Variants in PLCXD1 observed in about 807,000 individuals in gnomAD.
PLCXD1 encodes phosphatidylinositol specific phospholipase C X domain containing 1.
A neutral mutation model predicts 37.8 loss-of-function variants in PLCXD1; 45 were observed. That is an observed-to-expected ratio of 1.19 (90% CI 0.94 to 1.53). The LOEUF is 1.53. PLCXD1 is among the 40% of genes most tolerant of loss of function. The pLI is 0.00. For missense variants in PLCXD1, 539 were observed against 454.7 expected (o/e 1.19, Z -1.69); for synonymous variants, 246 against 206.9 (o/e 1.19, Z -1.62).
chrX:288,314 T>A (rs2069520427), intron 2 of PLCXD1, among the ~76,000 whole-genome samples: 1 of 145,356 alleles, frequency 6.9e-6, no homozygotes, highest in African/African-American at 2.5e-5. Flanking sequence ...TTCTAGAGGC[T>A]CTAGAGTGGG....
At position 293,073 on chromosome X, in the gene PLCXD1, A is replaced by G. The variant is rs2069687954; in HGVS notation, c.588A>G (p.Gln196=). 6.2e-7 allele frequency: 1 copy of G among 1,611,316 alleles called. No individual in the cohort carries two copies. The highest frequency in any genetic ancestry group is 1.3e-5 in the African/African-American group (1 of 74,842). ...PTLRQLWSRG[Q]QVIVSYEDES... ...TGCGGCAGCTGTGGTCCCGGGGCCA[A>G]CAGGTCATCGTCTCCTATGAAGACG... The change falls in exon 6 of 7, where the codon CAA becomes CAG. Residue 196 remains glutamine (Q), a synonymous_variant. Transcript: ENST00000381657.
At position 300,503 on chromosome X, in the gene PLCXD1, T is replaced by G. The variant is rs1280394204; in HGVS notation, c.*1168T>G. 1 of 133,642 alleles carries G rather than the reference T, an allele frequency of 7.5e-6. No individual in the cohort carries two copies. The highest frequency in any genetic ancestry group is 1.6e-5 in the Non-Finnish European group (1 of 63,648). 8.3% of individuals were successfully genotyped at this position (133,642 alleles called of 1,614,324 possible). A position where few individuals can be genotyped will look rare whatever the true frequency, so the allele number is the denominator to read the frequency against. On this transcript the variant is annotated 3_prime_UTR_variant, in exon 7 of 7. Transcript: ENST00000381657. Reference sequence around the variant, plus strand: ...GTATATGTGTGTATGTGTGTATATATGTATATGTGTGCATATGTGTATACG... The same window carrying G: ...GTATATGTGTGTATGTGTGTATATAGGTATATGTGTGCATATGTGTATACG...
Position 299,298 on chromosome X carries a change from A to T in PLCXD1, c.935A>T (p.Asp312Val). 6.2e-7 allele frequency: 1 copy of T among 1,613,764 alleles called. No homozygotes were observed. The change falls in exon 7 of 7, where the codon GAC becomes GTC. Residue 312 changes from aspartate (D) to valine (V), a missense_variant. Physicochemically the swap from Asp to Val is radical, Grantham distance 152. Coordinates refer to ENST00000381657, the MANE Select transcript of PLCXD1 (RefSeq NM_018390.4). ...DFIGADGFVS[D>V]VIALNQKLLW... Reference sequence around the variant, plus strand: ...ATCGGCGCAGACGGCTTCGTCAGTGACGTCATCGCGCTCAATCAGAAGCTG... The same window carrying T: ...ATCGGCGCAGACGGCTTCGTCAGTGTCGTCATCGCGCTCAATCAGAAGCTG...
At chrX:294,251 G>C (rs1323595152) in intron 6 of PLCXD1, among the ~76,000 whole-genome samples, 1 of 152,230 alleles carries the variant, frequency 6.6e-6, no homozygotes, top group African/African-American at 2.4e-5. Context: ...GGGAGGCCGA[G>C]GCGGGCGGAT....
rs1168831754 is a variant in PLCXD1 at position 300,692 on chromosome X, G to GTA, written c.*1369_*1370dup. 295 of 151,150 alleles carry GTA rather than the reference G, an allele frequency of 2.0e-3. No homozygotes were observed. Among genetic ancestry groups the GTA allele is most frequent in the African/African-American group, 4.9e-3 (202 of 41,232 alleles). 9.4% of individuals were successfully genotyped at this position (151,150 alleles called of 1,614,324 possible). A position where few individuals can be genotyped will look rare whatever the true frequency, so the allele number is the denominator to read the frequency against. ...TACATATATACGTGCGTGTGTATGTGTATATATATATATGTGTATATATAT... is the reference window on the plus strand; with the variant it reads ...TACATATATACGTGCGTGTGTATGTGTATATATATATATATGTGTATATATAT... On this transcript the variant is annotated 3_prime_UTR_variant, in exon 7 of 7. Coordinates refer to ENST00000381657, the MANE Select transcript of PLCXD1 (RefSeq NM_018390.4).
Position 288,866 on chromosome X carries a change from C to T in PLCXD1, c.261C>T (p.Thr87=). Residue 87 remains threonine, a synonymous_variant, in exon 3 of 7, where the codon ACC becomes ACT. Transcript: ENST00000381657. ...CTGTCGTGCTGAAATGGTCCGTCACCCAGGTACGGTCTGTGCCCCGTGCTG... is the reference window on the plus strand; with the variant it reads ...CTGTCGTGCTGAAATGGTCCGTCACTCAGGTACGGTCTGTGCCCCGTGCTG... ...TRPVVLKWSV[T]QALDVTEQLD... is the part of the protein sequence containing the mutation. The T allele has an allele frequency of 1.2e-6, 2 of 1,612,346 alleles. No individual in the cohort carries two copies. Among genetic ancestry groups the T allele is most frequent in the Non-Finnish European group, 1.7e-6 (2 of 1,179,666 alleles).
At chrX:276,569 G>T (rs966872317), upstream of PLCXD1, among the ~76,000 whole-genome samples, 6 of 152,150 alleles carry the variant, frequency 3.9e-5, no homozygotes, top group African/African-American at 1.2e-4. Flanking sequence ...CAGGGGGAGG[G>T]TCGCCTGGGA....
chrX:284,607 CGCACACAT>C (rs1324395963), intron 2 of PLCXD1, among the ~76,000 whole-genome samples: 4 of 16,960 alleles, frequency 2.4e-4, no homozygotes, highest in Non-Finnish European at 8.2e-4. Context: ...CACGCACACA[CGCACACAT>C]GCACATCTGC....
Position 299,207 on chromosome X carries a change from G to C in PLCXD1, c.844G>C (p.Ala282Pro), listed in dbSNP as rs367791199. ...GCTGCCCAACCTTCCGCGGCTGAGC[G>C]CGTGGGTCCGAGAGCAGTGCCCGGG... ...MTLPNLPRLS[A>P]WVREQCPGPG... is the part of the protein sequence containing the mutation. Residue 282 changes from alanine (A) to proline (P), a missense_variant, in exon 7 of 7, where the codon GCG becomes CCG. By Grantham distance (27) the Ala-to-Pro change is conservative (BLOSUM62 -1). Transcript: ENST00000381657. The C allele has an allele frequency of 1.7e-5, 28 of 1,613,780 alleles. No homozygotes were observed. Among genetic ancestry groups the C allele is most frequent in the Non-Finnish European group, 2.2e-5 (26 of 1,179,854 alleles).
intron 5 of PLCXD1, among the ~76,000 whole-genome samples, chrX:292,243 C>T (rs1228562370): frequency 6.6e-6 from 1 of 152,008 alleles, no homozygotes; most frequent in Non-Finnish European, 1.5e-5. Context: ...ATCATGAGGT[C>T]AGGACATCGA....
chrX:294,734 G>C (rs2069750291), intron 6 of PLCXD1, among the ~76,000 whole-genome samples: 1 of 151,940 alleles, frequency 6.6e-6, no homozygotes, highest in African/African-American at 2.4e-5. Context: ...AACCAGGAAG[G>C]CGGAGGTTGC....
intron 6 of PLCXD1, among the ~76,000 whole-genome samples, chrX:296,650 C>T (rs975739299): frequency 2.0e-5 from 3 of 152,226 alleles, no homozygotes; most frequent in Non-Finnish European, 1.5e-5. Flanking sequence ...TTGAGAATCA[C>T]TGGTCAACGT....
Position 285,374 on chromosome X carries a change from G to GTA in PLCXD1, c.127+1070_127+1071dup, listed in dbSNP as rs772068793. On this transcript the variant is annotated intron_variant, in intron 2 of 6. Transcript: ENST00000381657. ...TACACATGTACACACATGCACACATGTATATATATATTTGCACCTATGCAC... is the reference window on the plus strand; with the variant it reads ...TACACATGTACACACATGCACACATGTATATATATATATTTGCACCTATGCAC... 8.4e-5 allele frequency among the ~76,000 whole-genome samples: 10 copies of GTA among 119,042 alleles called. No individual in the cohort carries two copies. In the South Asian group the frequency reaches 9.9e-4, roughly 12 times the overall value. 78.1% of individuals were successfully genotyped at this position (119,042 alleles called of 152,430 possible).
chrX:279,798 A>T (rs141583349), upstream of PLCXD1, among the ~76,000 whole-genome samples: 4,873 of 151,876 alleles, frequency 0.032, 215 homozygotes, highest in African/African-American at 0.1. Flanking sequence ...AGAAGAAAAA[A>T]AGAGTTATTA....
chrX:288,195 G>T (rs1485546368), intron 2 of PLCXD1, among the ~76,000 whole-genome samples: 1 of 152,024 alleles, frequency 6.6e-6, no homozygotes, highest in African/African-American at 2.4e-5. Context: ...CATGTGTAAA[G>T]ACCCTATTTC....
At position 284,282 on chromosome X, in the gene PLCXD1, G is replaced by A. The variant is rs998741347; in HGVS notation, c.95G>A (p.Trp32Ter). The A allele has an allele frequency of 1.2e-6, 2 of 1,613,462 alleles. No individual in the cohort carries two copies. The highest frequency in any genetic ancestry group is 1.7e-6 in the Non-Finnish European group (2 of 1,179,858). The change falls in exon 2 of 7, where the codon TGG becomes TAG. Residue 32 changes from tryptophan (W) to a stop codon, truncating the protein, a stop_gained. Coordinates refer to ENST00000381657, the MANE Select transcript of PLCXD1 (RefSeq NM_018390.4). LOFTEE classifies it high-confidence loss of function. ...DWMSALCPRL[W>*]DVPLHHLSIP... ...ATGTCGGCACTGTGTCCCCGGCTCTGGGATGTGCCCCTCCACCACCTCTCC... is the reference window on the plus strand; with the variant it reads ...ATGTCGGCACTGTGTCCCCGGCTCTAGGATGTGCCCCTCCACCACCTCTCC...
In PLCXD1 at chrX:281,579, CGA is replaced by C. The variant is rs2069278520; in HGVS notation, c.-123_-122del. ...CGGGCAGCCGCCAGGAGCTGCAGAC[CGA>C]GAGGATCTCGTCCTTTCTTGCGGCC... On this transcript the variant is annotated 5_prime_UTR_variant, in exon 1 of 7. Transcript: ENST00000381657. 1 of 152,202 alleles carries C rather than the reference CGA, an allele frequency of 6.6e-6. No homozygotes were observed. The highest frequency in any genetic ancestry group is 1.5e-5 in the Non-Finnish European group (1 of 68,076). 9.4% of individuals were successfully genotyped at this position (152,202 alleles called of 1,614,324 possible).
chrX:283,822 AT>A, intron 1 of PLCXD1: 1 of 197,250 alleles, frequency 5.1e-6, no homozygotes, highest in South Asian at 8.0e-5. Context: ...GACAAGAAAC[AT>A]TTTTTGGAGC....
In PLCXD1 at chrX:287,623, A is replaced by G. The variant is rs998030809; in HGVS notation, c.128-1110A>G. Among the ~76,000 whole-genome samples the G allele has an allele frequency of 2.2e-5, 2 of 89,788 alleles. 1 individual carries two copies. Among genetic ancestry groups the G allele is most frequent in the African/African-American group, 7.5e-5 (2 of 26,760 alleles). The allele number at this position is 89,788 out of a possible 152,430, so 58.9% of individuals were successfully genotyped here. A position where few individuals can be genotyped will look rare whatever the true frequency, so the allele number is the denominator to read the frequency against. Reference sequence around the variant, plus strand: ...TTATATATAGATATAGATACTATATATGTTTATATATAGATATAGATACTA... The same window carrying G: ...TTATATATAGATATAGATACTATATGTGTTTATATATAGATATAGATACTA... On this transcript the variant is annotated intron_variant, in intron 2 of 6. Coordinates refer to ENST00000381657, the MANE Select transcript of PLCXD1 (RefSeq NM_018390.4).
Sources: gnomAD v4.1 joint callset for allele counts (sites outside exome capture counted in the v4.1 genomes callset) on GRCh38, gnomAD v4.1.1 for gene constraint, MANE v1.5 for transcripts, NCBI Gene and HGNC (gene_info 2026-07-23, HGNC 2026-07-21) for gene names.